The following PSMA4 variants were observed in gnomAD, a reference collection of about 807,000 sequenced individuals.
The protein encoded by PSMA4 is proteasome 20S subunit alpha 4.
Under a neutral mutation model 37.2 loss-of-function variants are expected in PSMA4, and 8 were observed. The observed-to-expected ratio is 0.22, with a 90% CI of 0.13 to 0.39. PSMA4 has a LOEUF of 0.39. PSMA4 is among the 10% of genes least tolerant of loss of function. The pLI, the probability that PSMA4 is intolerant of heterozygous loss-of-function variation, is 1.00. For missense variants in PSMA4, 169 were observed against 305.1 expected, an observed-to-expected ratio of 0.55 and a Z score of 3.32; for synonymous variants, 93 against 98.8, an observed-to-expected ratio of 0.94 and a Z score of 0.35.
At chr15:78,541,957 G>A (rs913607887) in intron 2 of PSMA4, 27 bp downstream of exon 2, 1 of 1,591,466 alleles carries the variant, frequency 6.3e-7, no homozygotes, top group Non-Finnish European at 8.6e-7. Context: ...GCCAATAAAC[G>A]GTTGCCTGAT....
chr15:78,546,070 C>T (rs578024142), intron 7 of PSMA4, among the ~76,000 whole-genome samples: 1 of 152,160 alleles, frequency 6.6e-6, no homozygotes, highest in South Asian at 2.1e-4. Context: ...ACTGAGGACC[C>T]CAGGTTAAAG....
intron 3 of PSMA4, 132 bp downstream of exon 3, chr15:78,542,351 C>A: frequency 7.3e-7 from 1 of 1,369,336 alleles, no homozygotes; most frequent in East Asian, 2.3e-5. Flanking sequence ...ATTATCATCA[C>A]CAGGTTGATT....
Position 78,550,157 on chromosome 15 carries a change from T to G in PSMA4, c.*1213T>G, listed in dbSNP as rs1012039353. On this transcript the variant is annotated 3_prime_UTR_variant, in exon 9 of 9. Transcript: ENST00000044462. The stretch of plus-strand genomic sequence containing the variant: ...CAAAAACTAACAAAATACTGAACTC[T>G]TGCACCTAGAGAAAGTACTGGGTTA... 1 of 152,246 alleles carries G rather than the reference T, an allele frequency of 6.6e-6. No individual in the cohort carries two copies. Among genetic ancestry groups the G allele is most frequent in the Admixed American group, 6.5e-5 (1 of 15,286 alleles). 9.4% of individuals were successfully genotyped at this position (152,246 alleles called of 1,614,324 possible). A position where few individuals can be genotyped will look rare whatever the true frequency, so the allele number is the denominator to read the frequency against.
At chr15:78,543,525 A>T (rs894692023) in intron 4 of PSMA4, among the ~76,000 whole-genome samples, 1 of 150,778 alleles carries the variant, frequency 6.6e-6, no homozygotes, top group Non-Finnish European at 1.5e-5. Flanking sequence ...GCCAGGCCTT[A>T]GGAAATGAAT....
chr15:78,543,543 A>G (rs1468573165), intron 4 of PSMA4, among the ~76,000 whole-genome samples: 1 of 150,840 alleles, frequency 6.6e-6, no homozygotes, highest in Non-Finnish European at 1.5e-5. Context: ...AATATTACTC[A>G]AGAGCAGTCT....
At position 78,542,485 on chromosome 15, in the gene PSMA4, C is replaced by G; in HGVS notation, c.49C>G (p.Arg17Gly). Residue 17 changes from arginine to glycine, a missense_variant and splice_region_variant, in exon 4 of 9, where the codon CGC (arginine) becomes GGC (glycine). Around this residue, in one of 2 missense-constraint regions of PSMA4, gnomAD observed 79 missense variants for 212.4 expected, o/e 0.37. Coordinates refer to ENST00000044462, the MANE Select transcript of PSMA4 (RefSeq NM_002789.6). ...TTCTCACTGCTTTTGTTTTGTAGGT[C>G]GCTTATACCAAGTTGAATATGCCAT... is the stretch of plus-strand genomic sequence containing the variant. ...SRTTIFSPEGRLYQVEYAMEA... is the reference protein window; with the variant it reads ...SRTTIFSPEGGLYQVEYAMEA... The G allele has an allele frequency of 6.2e-7, 1 of 1,610,716 alleles. No individual in the cohort carries two copies. Among genetic ancestry groups the G allele is most frequent in the Non-Finnish European group, 8.5e-7 (1 of 1,179,048 alleles).
chr15:78,547,433 C>T (rs529635697), intron 8 of PSMA4, among the ~76,000 whole-genome samples: 19 of 152,268 alleles, frequency 1.2e-4, no homozygotes, highest in South Asian at 2.1e-4. Context: ...ACAACATTTG[C>T]GTGGGTTGTG....
intron 2 of PSMA4, 27 bp downstream of exon 2, chr15:78,541,957 G>C: frequency 6.3e-7 from 1 of 1,591,466 alleles, no homozygotes; most frequent in South Asian, 1.1e-5. Flanking sequence ...GCCAATAAAC[G>C]GTTGCCTGAT....
intron 2 of PSMA4, 62 bp downstream of exon 2, chr15:78,541,992 T>G: frequency 6.4e-7 from 1 of 1,555,200 alleles, no homozygotes; most frequent in Non-Finnish European, 8.8e-7. Flanking sequence ...GTACTCAGTT[T>G]ACAGACTTGA....
At position 78,547,657 on chromosome 15, in the gene PSMA4, G is replaced by A. The variant is rs187493380; in HGVS notation, c.631+959G>A. ...TCCAGATCAGCCTGGCCAACATGGT[G>A]AAGCCCCATCTCTACTTAAAATACA... is the stretch of plus-strand genomic sequence containing the variant. On this transcript the variant is annotated intron_variant, in intron 8 of 8. Transcript: ENST00000044462. Among the ~76,000 whole-genome samples, 19 of 151,852 alleles carry A rather than the reference G, an allele frequency of 1.3e-4. No individual in the cohort carries two copies. The East Asian group carries it at 2.7e-3, about 22-fold the overall frequency.
At position 78,551,298 on chromosome 15, in the gene PSMA4, C is replaced by T. The variant is rs1454962703; in HGVS notation, c.*2354C>T. 6.6e-6 allele frequency: 1 copy of T among 152,138 alleles called. No individual in the cohort carries two copies. The allele number at this position is 152,138 out of a possible 1,614,324, so 9.4% of individuals were successfully genotyped here. A position where few individuals can be genotyped will look rare whatever the true frequency, so the allele number is the denominator to read the frequency against. On this transcript the variant is annotated 3_prime_UTR_variant, in exon 9 of 9. Coordinates refer to ENST00000044462, the MANE Select transcript of PSMA4 (RefSeq NM_002789.6). ...TTCATGAGGTATCCTGTATTCTGGC[C>T]TTGTGCTACCTTCCATGTGCTTCCT... is the stretch of plus-strand genomic sequence containing the variant.
chr15:78,546,405 T>C (rs2052552907), intron 7 of PSMA4, among the ~76,000 whole-genome samples, 170 bp from the exon 8 acceptor site: 1 of 150,294 alleles, frequency 6.7e-6, no homozygotes, highest in South Asian at 2.1e-4. Context: ...GCTGAGATCA[T>C]GCCACTACAC....
chr15:78,546,940 AT>A, intron 8 of PSMA4, among the ~76,000 whole-genome samples: 1 of 151,930 alleles, frequency 6.6e-6, no homozygotes, highest in Middle Eastern at 3.4e-3. Context: ...TAATTTTTGT[AT>A]TTTTAGTAGA....
At chr15:78,545,264 G>C (rs566882955) in intron 6 of PSMA4, among the ~76,000 whole-genome samples, 5 of 152,212 alleles carry the variant, frequency 3.3e-5, no homozygotes, top group African/African-American at 1.2e-4. Context: ...CAGTAGTATA[G>C]AACACTAGAA....
At chr15:78,548,681 C>G (rs2052598767) in intron 8 of PSMA4, 109 bp from the exon 9 acceptor site, 3 of 1,452,774 alleles carry the variant, frequency 2.1e-6, no homozygotes, top group South Asian at 3.2e-5. Context: ...GAGTGCTGAA[C>G]TAACGTTTCA....
intron 8 of PSMA4, 70 bp downstream of exon 8, chr15:78,546,768 C>CTT (rs35886075): frequency 8.9e-4 from 1,039 of 1,161,408 alleles, no homozygotes; most frequent in Non-Finnish European, 1.0e-3. Flanking sequence ...AGATTTTTTT[C>CTT]TTTTTTTTTT....
In PSMA4 at chr15:78,549,009, A is replaced by G; in HGVS notation, c.*65A>G. The G allele has an allele frequency of 7.9e-6, 12 of 1,521,314 alleles. No homozygotes were observed. The highest frequency in any genetic ancestry group is 9.7e-6 in the Non-Finnish European group (11 of 1,139,484). 94.2% of individuals were successfully genotyped at this position (1,521,314 alleles called of 1,614,324 possible). ...TGTAAAAGCAGTCCTACTCTTCCAC[A>G]CTAGGAAGGCTTTACTTTTTTTAAC... On this transcript the variant is annotated 3_prime_UTR_variant, in exon 9 of 9. Coordinates refer to ENST00000044462, the MANE Select transcript of PSMA4 (RefSeq NM_002789.6).
chr15:78,546,914 C>T (rs1438376975), intron 8 of PSMA4, among the ~76,000 whole-genome samples: 4 of 152,018 alleles, frequency 2.6e-5, no homozygotes, highest in Non-Finnish European at 5.9e-5. Flanking sequence ...TACAGGCTCG[C>T]GCCACCATGC....
intron 7 of PSMA4, 81 bp downstream of exon 7, chr15:78,545,845 A>G (rs2052543109): frequency 6.9e-7 from 1 of 1,444,434 alleles, no homozygotes; most frequent in East Asian, 2.3e-5. Flanking sequence ...GAATGTAAAC[A>G]GTATTTTAAG....
Sources: gnomAD v4.1 joint callset for allele counts (sites outside exome capture counted in the v4.1 genomes callset) on GRCh38, gnomAD v4.1.1 for gene constraint, gnomAD v4.1.1 regional missense constraint, MANE v1.5 for transcripts, NCBI Gene and HGNC (gene_info 2026-07-23, HGNC 2026-07-21) for gene names.